Variants in KLRB1 observed in about 807,000 individuals in gnomAD.
KLRB1 encodes the protein killer cell lectin like receptor B1, also known as killer cell lectin-like receptor subfamily B member 1.
A neutral mutation model predicts 33.5 loss-of-function variants in KLRB1; 27 were observed. That is an observed-to-expected ratio of 0.81 (90% CI 0.59 to 1.11). KLRB1 has a LOEUF of 1.11. Among genes scored for constraint, KLRB1 ranks in the 50% most tolerant of loss-of-function variants. KLRB1 has a pLI of 0.00. For synonymous variants in KLRB1, 64 were observed against 88.9 expected (o/e 0.72, Z 1.58); for missense variants, 241 against 254.1 (o/e 0.95, Z 0.35).
intron 1 of KLRB1, among the ~76,000 whole-genome samples, chr12:9,602,609 A>T (rs969791707): frequency 4.6e-5 from 7 of 151,882 alleles, no homozygotes; most frequent in Admixed American, 4.6e-4. Context: ...TTTTTAACAT[A>T]TTAGATATAT....
At chr12:9,606,743 TATATATA>T (rs1864607573) in intron 1 of KLRB1, among the ~76,000 whole-genome samples, 3 of 29,562 alleles carry the variant, frequency 1.0e-4, no homozygotes, top group African/African-American at 4.5e-4. Context: ...AGTATATATA[TATATATA>T]TATATATATA....
chr12:9,603,451 G>A (rs1415744568), intron 1 of KLRB1, among the ~76,000 whole-genome samples: 1 of 138,656 alleles, frequency 7.2e-6, no homozygotes, highest in East Asian at 2.2e-4. Context: ...TTATTTTTGA[G>A]ACGGAGTTTC....
intron 5 of KLRB1, 128 bp from the exon 6 acceptor site, chr12:9,595,549 G>A (rs760348638): frequency 6.7e-5 from 54 of 810,452 alleles, no homozygotes; most frequent in African/African-American, 1.4e-4. Context: ...GAAGGCACAC[G>A]GTCACAAATA....
chr12:9,597,869 C>G (rs942608031), intron 5 of KLRB1, among the ~76,000 whole-genome samples, 177 bp downstream of exon 5: 2 of 152,146 alleles, frequency 1.3e-5, no homozygotes, highest in Non-Finnish European at 2.9e-5. Flanking sequence ...GAGCTGATAT[C>G]TTTTCATATA....
At chr12:9,595,510 AGCAGTAGAATG>A in intron 5 of KLRB1, 89 bp from the exon 6 acceptor site, 1 of 1,212,462 alleles carries the variant, frequency 8.2e-7, no homozygotes, top group Non-Finnish European at 1.2e-6. Context: ...ACTCTCAGGA[AGCAGTAGAATG>A]ATAAACTATT....
At chr12:9,603,061 T>C (rs1177291549) in intron 1 of KLRB1, among the ~76,000 whole-genome samples, 1 of 152,132 alleles carries the variant, frequency 6.6e-6, no homozygotes, top group Admixed American at 6.5e-5. Context: ...GGGGTCAGGG[T>C]TGTAACATAT....
rs774504074 is a variant in KLRB1, at chr12:9,607,832, T to C, written c.8A>G (p.Gln3Arg). Residue 3 changes from glutamine to arginine, a missense_variant, in exon 1 of 6, where the codon CAA (glutamine) becomes CGA (arginine). Gln to Arg is a conservative substitution (Grantham distance 43, BLOSUM62 1). Transcript: ENST00000229402. MD[Q>R]QAIYAELNLP... ...GTTTAACTCAGCATATATTGCTTGT[T>C]GGTCCATGGCAGACAGAGGAAGGTG... 1.2e-6 allele frequency: 2 copies of C among 1,612,486 alleles called. No individual in the cohort carries two copies. Among genetic ancestry groups the C allele is most frequent in the East Asian group, 2.2e-5 (1 of 44,842 alleles).
rs1188705968 is a variant in KLRB1, at chr12:9,606,756, A to ATTTTTTTTTTTTTTTTTTTTT, written c.85+998_85+999insAAAAAAAAAAAAAAAAAAAAA. Among the ~76,000 whole-genome samples the ATTTTTTTTTTTTTTTTTTTTT allele has an allele frequency of 1.3e-4, 4 of 31,538 alleles. 1 individual carries two copies. The highest frequency in any genetic ancestry group is 1.7e-4 in the Non-Finnish European group (3 of 17,460). 20.7% of individuals were successfully genotyped at this position (31,538 alleles called of 152,430 possible). ...AAAGTATATATATATATATATATAT[A>ATTTTTTTTTTTTTTTTTTTTT]TATATTTTTTTTTTTTTTTTGAGAT... On this transcript the variant is annotated intron_variant, in intron 1 of 5. Transcript: ENST00000229402.
At chr12:9,600,825 G>C (rs1012376292) in intron 2 of KLRB1, among the ~76,000 whole-genome samples, 3 of 151,470 alleles carry the variant, frequency 2.0e-5, no homozygotes, top group Non-Finnish European at 2.9e-5. Context: ...CCATGTGATA[G>C]TCTGAAATAT....
chr12:9,606,699 A>G (rs1488720136), intron 1 of KLRB1, among the ~76,000 whole-genome samples: 1 of 73,830 alleles, frequency 1.4e-5, no homozygotes, highest in African/African-American at 5.4e-5. Flanking sequence ...AAGTATATAT[A>G]TATATATAAA....
chr12:9,601,576 G>A lies in KLRB1; in HGVS notation c.109C>T (p.His37Tyr). The A allele has an allele frequency of 1.2e-6, 2 of 1,612,770 alleles. No homozygotes were observed. The change falls in exon 2 of 6, where the codon CAT becomes TAT. Residue 37 changes from histidine (H) to tyrosine (Y), a missense_variant. Transcript: ENST00000229402. ...CAGCTAAGTTTCAGGGCAAATTGAT[G>A]CCAAGGTGAACCCTGACAGACATCT... The part of the protein sequence containing the change: ...PRDVCQGSPW[H>Y]QFALKLSCAG...
At chr12:9,599,884 G>T in intron 2 of KLRB1, 43 bp from the exon 3 acceptor site, 1 of 1,028,918 alleles carries the variant, frequency 9.7e-7, no homozygotes, top group Non-Finnish European at 1.5e-6. Context: ...GCTGAAATGT[G>T]TGGTGGAGTG....
chr12:9,599,563 A>G (rs972161163), intron 3 of KLRB1, among the ~76,000 whole-genome samples: 2 of 152,234 alleles, frequency 1.3e-5, no homozygotes, highest in African/African-American at 4.8e-5. Context: ...GACCACTTAC[A>G]TATAATTCCC....
rs1555097818 is a variant in KLRB1 at position 9,607,370 on chromosome 12, T to TTCTTTCTTTCTTTCTC, written c.85+384_85+385insGAGAAAGAAAGAAAGA. Among the ~76,000 whole-genome samples the TTCTTTCTTTCTTTCTC allele has an allele frequency of 3.1e-3, 272 of 86,462 alleles. 2 individuals carry two copies. The highest frequency in any genetic ancestry group is 0.018 in the Middle Eastern group (3 of 170). 56.7% of individuals were successfully genotyped at this position (86,462 alleles called of 152,430 possible). ...TTTCTTTCTTCCTTTCTTTCTTTCT[T>TTCTTTCTTTCTTTCTC]TCTTTCTTTCTTTCTTTCTTTCTTT... is the stretch of plus-strand genomic sequence containing the variant. On this transcript the variant is annotated intron_variant, in intron 1 of 5. Transcript: ENST00000229402.
intron 1 of KLRB1, among the ~76,000 whole-genome samples, chr12:9,607,336 C>CTTTCTTCCTTCCTTTCTTTCTTCCTTCG (rs1864622664): frequency 4.1e-5 from 1 of 24,496 alleles, no homozygotes; most frequent in Non-Finnish European, 1.3e-4. Context: ...TCTTTCTTTC[C>CTTTCTTCCTTCCTTTCTTTCTTCCTTCG]TTTCTTTCTT....
intron 4 of KLRB1, among the ~76,000 whole-genome samples, 165 bp downstream of exon 4, chr12:9,598,334 A>T (rs1591655925): frequency 6.6e-6 from 1 of 152,150 alleles, no homozygotes; most frequent in East Asian, 1.9e-4. Context: ...TATTGTATTC[A>T]TCACCTTATA....
At position 9,606,361 on chromosome 12, in the gene KLRB1, A is replaced by C. The variant is rs781766489; in HGVS notation, c.85+1394T>G. ...TTCCCATCCATCCACAGGCCATGCT[A>C]TCCATCATGTGTTACCTCACATTGG... On this transcript the variant is annotated intron_variant, in intron 1 of 5. Coordinates refer to ENST00000229402, the MANE Select transcript of KLRB1 (RefSeq NM_002258.3). The C allele has an allele frequency of 2.0e-5, 3 of 152,208 alleles. No individual in the cohort carries two copies. In the South Asian group the frequency reaches 6.2e-4, roughly 32 times the overall value. The allele number at this position is 152,208 out of a possible 1,614,324, so 9.4% of individuals were successfully genotyped here. A position where few individuals can be genotyped will look rare whatever the true frequency, so the allele number is the denominator to read the frequency against.
intron 1 of KLRB1, among the ~76,000 whole-genome samples, chr12:9,603,196 A>G (rs1864562900): frequency 6.6e-6 from 1 of 152,184 alleles, no homozygotes; most frequent in Non-Finnish European, 1.5e-5. Context: ...CAAGCTTGGT[A>G]ATATTGGCCT....
chr12:9,607,334 T>TCCTTCCTTCCTGCCTGCCTG (rs1491124203), intron 1 of KLRB1, among the ~76,000 whole-genome samples: 7 of 26,146 alleles, frequency 2.7e-4, no homozygotes, highest in Non-Finnish European at 9.6e-4. Context: ...TCTCTTTCTT[T>TCCTTCCTTCCTGCCTGCCTG]CCTTTCTTTC....
Sources: gnomAD v4.1 joint callset for allele counts (sites outside exome capture counted in the v4.1 genomes callset) on GRCh38, gnomAD v4.1.1 for gene constraint, MANE v1.5 for transcripts, NCBI Gene and HGNC (gene_info 2026-07-23, HGNC 2026-07-21) for gene names.